Variants in CPED1 observed in about 807,000 individuals in gnomAD.
CPED1 encodes cadherin like and PC-esterase domain containing 1.
Under a neutral mutation model 128.2 loss-of-function variants are expected in CPED1, and 114 were observed. The observed-to-expected ratio is 0.89, with a 90% CI of 0.76 to 1.04. The LOEUF (loss-of-function observed/expected upper bound fraction) is 1.04. CPED1 is among the 50% of genes least tolerant of loss of function. CPED1 has a pLI of 0.00. For synonymous variants in CPED1, 462 were observed against 426.7 expected (o/e 1.08, Z -1.02); for missense variants, 1,211 against 1,207.1 (o/e 1.00, Z -0.05).
chr7:121,000,748 G>A (rs1791831323), intron 2 of CPED1, among the ~76,000 whole-genome samples: 1 of 152,128 alleles, frequency 6.6e-6, no homozygotes, highest in South Asian at 2.1e-4. Flanking sequence ...AGCCTGTTAA[G>A]TATATTGAAT....
intron 22 of CPED1, among the ~76,000 whole-genome samples, chr7:121,276,091 A>G (rs1792324272): frequency 6.6e-6 from 1 of 152,126 alleles, no homozygotes; most frequent in South Asian, 2.1e-4. Context: ...GATATTTTTG[A>G]GTATCTACTC....
At chr7:121,120,889 A>T (rs1795365947) in intron 7 of CPED1, among the ~76,000 whole-genome samples, 1 of 147,444 alleles carries the variant, frequency 6.8e-6, no homozygotes, top group South Asian at 2.2e-4. Context: ...AGGTTTGTTT[A>T]TTCAACAGTA....
intron 22 of CPED1, among the ~76,000 whole-genome samples, chr7:121,272,547 G>A (rs939987373): frequency 1.3e-5 from 2 of 151,974 alleles, no homozygotes; most frequent in African/African-American, 2.4e-5. Flanking sequence ...TGAGGATCAC[G>A]TTGCTCCTCC....
intron 22 of CPED1, among the ~76,000 whole-genome samples, chr7:121,286,852 T>C (rs930690545): frequency 2.6e-5 from 4 of 152,092 alleles, no homozygotes; most frequent in African/African-American, 9.7e-5. Flanking sequence ...ACTGCGTAAT[T>C]TATAAAGGAA....
At chr7:121,218,912 C>T (rs1449232673) in intron 16 of CPED1, among the ~76,000 whole-genome samples, 1 of 152,004 alleles carries the variant, frequency 6.6e-6, no homozygotes, top group African/African-American at 2.4e-5. Flanking sequence ...TTACCTATTT[C>T]CAATCAGTAC....
chr7:120,995,523 C>A (rs962975636), intron 2 of CPED1, among the ~76,000 whole-genome samples: 1 of 152,090 alleles, frequency 6.6e-6, no homozygotes, highest in Non-Finnish European at 1.5e-5. Context: ...TTAATTTTCA[C>A]CCTTGGCAGA....
At chr7:121,033,145 A>C (rs1792780620) in intron 3 of CPED1, among the ~76,000 whole-genome samples, 1 of 152,200 alleles carries the variant, frequency 6.6e-6, no homozygotes, top group Non-Finnish European at 1.5e-5. Flanking sequence ...AACTGAGGCC[A>C]ACTACTGTGA....
intron 16 of CPED1, among the ~76,000 whole-genome samples, chr7:121,176,456 A>G (rs1186034848): frequency 6.6e-6 from 1 of 151,986 alleles, no homozygotes; most frequent in Non-Finnish European, 1.5e-5. Context: ...GAAAAAAAAC[A>G]CAGTTGGAAT....
In CPED1 at chr7:121,236,766, C is replaced by A; in HGVS notation, c.2108C>A (p.Ser703Tyr). The change falls in exon 17 of 23, where the codon TCT (serine) becomes TAT (tyrosine). Residue 703 changes from serine (S) to tyrosine (Y), a missense_variant. By Grantham distance (144) the Ser-to-Tyr change is moderately radical. Coordinates refer to ENST00000310396, the MANE Select transcript of CPED1 (RefSeq NM_024913.5). ...PEETCGLQPISSDYIEAILQS... is the reference protein window; with the variant it reads ...PEETCGLQPIYSDYIEAILQS... ...GAAACCTGTGGGTTACAGCCTATTT[C>A]TTCTGACTACATTGAAGCCATTTTA... 14 of 1,610,128 alleles carry A rather than the reference C, an allele frequency of 8.7e-6. No homozygotes were observed. The highest frequency in any genetic ancestry group is 1.1e-5 in the Non-Finnish European group (13 of 1,178,496).
At chr7:121,049,311 A>G (rs1793289603) in intron 4 of CPED1, among the ~76,000 whole-genome samples, 1 of 152,338 alleles carries the variant, frequency 6.6e-6, no homozygotes, top group South Asian at 2.1e-4. Context: ...CTAGAATCCA[A>G]TGAGAGCTGC....
At chr7:121,152,531 T>G (rs1796182152) in intron 16 of CPED1, among the ~76,000 whole-genome samples, 2 of 152,368 alleles carry the variant, frequency 1.3e-5, no homozygotes, top group South Asian at 4.1e-4. Flanking sequence ...ATTTCTCATC[T>G]GTCATACATG....
intron 7 of CPED1, among the ~76,000 whole-genome samples, chr7:121,124,129 A>G (rs1471640663): frequency 6.6e-6 from 1 of 152,192 alleles, no homozygotes; most frequent in Non-Finnish European, 1.5e-5. Flanking sequence ...TTTCTAAAGA[A>G]ATTTAAATTA....
intron 22 of CPED1, 99 bp from the exon 23 acceptor site, chr7:121,295,341 T>A: frequency 1.4e-6 from 2 of 1,393,368 alleles, no homozygotes; most frequent in African/African-American, 1.4e-5. Context: ...TTTAGCAACA[T>A]CTGTGTGGCA....
At chr7:121,240,330 G>A (rs1798361155) in intron 17 of CPED1, among the ~76,000 whole-genome samples, 1 of 152,116 alleles carries the variant, frequency 6.6e-6, no homozygotes, top group Non-Finnish European at 1.5e-5. Context: ...ACAGTGTCTG[G>A]AGTAAGGGTA....
intron 16 of CPED1, among the ~76,000 whole-genome samples, chr7:121,144,671 A>G (rs1795982777): frequency 6.6e-6 from 1 of 152,024 alleles, no homozygotes; most frequent in Non-Finnish European, 1.5e-5. Flanking sequence ...AAACAACTAG[A>G]AGAGTGGAAT....
chr7:121,205,692 A>C (rs1185855244), intron 16 of CPED1, among the ~76,000 whole-genome samples: 1 of 152,024 alleles, frequency 6.6e-6, no homozygotes, highest in African/African-American at 2.4e-5. Flanking sequence ...AGCAGCACTC[A>C]GCTCTAGGAT....
intron 16 of CPED1, among the ~76,000 whole-genome samples, chr7:121,198,934 TC>T (rs984081016): frequency 1.3e-5 from 2 of 152,152 alleles, no homozygotes; most frequent in Non-Finnish European, 2.9e-5. Context: ...TCTGCTTTTT[TC>T]CCCTGCCCAC....
intron 16 of CPED1, among the ~76,000 whole-genome samples, chr7:121,158,566 C>CT (rs78966935): frequency 0.013 from 1,819 of 143,100 alleles, 17 homozygotes; most frequent in African/African-American, 0.029. Context: ...TATTAATCAT[C>CT]TTTTTTTTTT....
Position 121,267,142 on chromosome 7 carries a change from G to A in CPED1, c.2634-73G>A, listed in dbSNP as rs114357634. 82 of 828,390 alleles carry A rather than the reference G, an allele frequency of 9.9e-5. No individual in the cohort carries two copies. In the African/African-American group the frequency reaches 1.1e-3, roughly 11 times the overall value. 51.3% of individuals were successfully genotyped at this position (828,390 alleles called of 1,614,324 possible). ...ATTCTGAAAGAATTCTATGGTATTT[G>A]TTTATATAAACAACAAACATCTAGA... On this transcript the variant is annotated intron_variant, in intron 20 of 22. Coordinates refer to ENST00000310396, the MANE Select transcript of CPED1 (RefSeq NM_024913.5).
Sources: allele counts gnomAD v4.1 joint callset (sites outside exome capture counted in the v4.1 genomes callset), GRCh38; gene constraint gnomAD v4.1.1; transcripts MANE v1.5; gene names NCBI Gene and HGNC (gene_info 2026-07-23, HGNC 2026-07-21).